CHRM3: variants seen among roughly 807,000 people sequenced by gnomAD.
CHRM3 encodes muscarinic acetylcholine receptor M3.
A neutral mutation model predicts 41.8 loss-of-function variants in CHRM3; 11 were observed. The observed-to-expected ratio is 0.26, with a 90% CI of 0.17 to 0.44. The LOEUF is 0.44. Ranked by LOEUF, CHRM3 falls within the 20% of genes least tolerant of loss-of-function variation. CHRM3 has a pLI of 1.00. For synonymous variants in CHRM3, 297 were observed against 301.4 expected (o/e 0.99, Z 0.15); for missense variants, 571 against 745.4 (o/e 0.77, Z 2.72).
At chr1:239,881,925 G>C (rs1677671639) in intron 6 of CHRM3, among the ~76,000 whole-genome samples, 1 of 151,952 alleles carries the variant, frequency 6.6e-6, no homozygotes, top group Non-Finnish European at 1.5e-5. Flanking sequence ...TTTTTTTTGA[G>C]ATGGAGTCTC....
chr1:239,607,852 T>C (rs769267038), intron 3 of CHRM3, among the ~76,000 whole-genome samples: 3 of 152,184 alleles, frequency 2.0e-5, no homozygotes, highest in Non-Finnish European at 4.4e-5. Context: ...TTGCTTCTAT[T>C]CACTTAATAT....
chr1:239,424,058 A>C, intron 1 of CHRM3, among the ~76,000 whole-genome samples: 1 of 150,926 alleles, frequency 6.6e-6, no homozygotes, highest in African/African-American at 2.4e-5. Flanking sequence ...CTGTCTCAAA[A>C]AAAAAAAAAA....
At chr1:239,576,233 T>C (rs752051179) in intron 3 of CHRM3, among the ~76,000 whole-genome samples, 3 of 151,558 alleles carry the variant, frequency 2.0e-5, no homozygotes, top group Admixed American at 6.6e-5. Flanking sequence ...CTAGAACCAA[T>C]AAAAGCTGTA....
intron 3 of CHRM3, among the ~76,000 whole-genome samples, chr1:239,569,091 T>A (rs1661609807): frequency 6.6e-6 from 1 of 152,198 alleles, no homozygotes; most frequent in South Asian, 2.1e-4. Flanking sequence ...ACTTTTACAA[T>A]CACATTATCC....
chr1:239,742,485 C>T (rs1664946770), intron 5 of CHRM3, among the ~76,000 whole-genome samples: 1 of 152,056 alleles, frequency 6.6e-6, no homozygotes. Context: ...GCCAATCCAG[C>T]AAAACAGTTG....
intron 5 of CHRM3, among the ~76,000 whole-genome samples, chr1:239,688,634 A>AAT (rs1234547417): frequency 7.5e-6 from 1 of 133,916 alleles, no homozygotes; most frequent in South Asian, 2.2e-4. Flanking sequence ...TATAATACAT[A>AAT]ATATATATAA....
chr1:239,699,677 A>T (rs764016504), intron 5 of CHRM3, among the ~76,000 whole-genome samples: 1 of 152,308 alleles, frequency 6.6e-6, no homozygotes, highest in South Asian at 2.1e-4. Context: ...ATGTCTTCAT[A>T]CATAAAGTAT....
intron 2 of CHRM3, among the ~76,000 whole-genome samples, chr1:239,503,781 T>C (rs1019780957): frequency 6.6e-6 from 1 of 152,148 alleles, no homozygotes; most frequent in African/African-American, 2.4e-5. Context: ...AGCCAACTGA[T>C]CTTTGACAAA....
intron 6 of CHRM3, among the ~76,000 whole-genome samples, chr1:239,849,364 A>C (rs1674519015): frequency 6.6e-6 from 1 of 152,234 alleles, no homozygotes; most frequent in Admixed American, 6.5e-5. Flanking sequence ...TTTCATCTAC[A>C]GACGTTTCCC....
At chr1:239,885,352 G>T (rs10802811) in intron 6 of CHRM3, among the ~76,000 whole-genome samples, 10 of 152,086 alleles carry the variant, frequency 6.6e-5, no homozygotes, top group African/African-American at 2.4e-4. Context: ...TCCGGAGTAC[G>T]GTCCAAAAAT....
chr1:239,400,846 C>T (rs1289149766), intron 1 of CHRM3, among the ~76,000 whole-genome samples: 1 of 152,042 alleles, frequency 6.6e-6, no homozygotes, highest in African/African-American at 2.4e-5. Context: ...CAGTCAACAA[C>T]CCTCTTTAAA....
At chr1:239,413,548 A>G (rs181260418) in intron 1 of CHRM3, among the ~76,000 whole-genome samples, 57 of 152,258 alleles carry the variant, frequency 3.7e-4, no homozygotes, top group Admixed American at 1.6e-3. Context: ...TCAGCCTCCT[A>G]AATTGCTGGG....
At chr1:239,481,947 A>G (rs1025131992) in intron 1 of CHRM3, among the ~76,000 whole-genome samples, 1 of 152,228 alleles carries the variant, frequency 6.6e-6, no homozygotes, top group Non-Finnish European at 1.5e-5. Flanking sequence ...CAAACATAAC[A>G]TAGCTTCATA....
chr1:239,679,830 T>C (rs1658383418), intron 5 of CHRM3, among the ~76,000 whole-genome samples: 1 of 152,114 alleles, frequency 6.6e-6, no homozygotes, highest in Non-Finnish European at 1.5e-5. Context: ...GTCTTCTCTT[T>C]CTCTGTAAAT....
At chr1:239,676,938 T>C (rs1658061087) in intron 4 of CHRM3, among the ~76,000 whole-genome samples, 1 of 152,242 alleles carries the variant, frequency 6.6e-6, no homozygotes, top group Admixed American at 6.5e-5. Flanking sequence ...CCTCCTGTTG[T>C]TCTGAGCCCC....
chr1:239,431,263 A>C (rs1043545888), intron 1 of CHRM3, among the ~76,000 whole-genome samples: 3 of 152,158 alleles, frequency 2.0e-5, no homozygotes, highest in African/African-American at 7.2e-5. Context: ...TATGTGACTC[A>C]TGTTAACTAT....
At chr1:239,768,839 A>C (rs1667431540) in intron 5 of CHRM3, among the ~76,000 whole-genome samples, 1 of 151,132 alleles carries the variant, frequency 6.6e-6, no homozygotes, top group African/African-American at 2.4e-5. Flanking sequence ...ATCTCAGCTC[A>C]CTGCAACCTC....
chr1:239,431,836 G>T (rs7536303), intron 1 of CHRM3, among the ~76,000 whole-genome samples: 10 of 151,862 alleles, frequency 6.6e-5, no homozygotes, highest in Admixed American at 5.2e-4. Context: ...TTATTTCCAC[G>T]TTACTGTATC....
chr1:239,653,577 T>C (rs1451063183), intron 4 of CHRM3, among the ~76,000 whole-genome samples: 1 of 152,154 alleles, frequency 6.6e-6, no homozygotes, highest in Non-Finnish European at 1.5e-5. Flanking sequence ...CCTGTGCATG[T>C]AGATACCAGA....
Sources: gnomAD v4.1 joint callset for allele counts (sites outside exome capture counted in the v4.1 genomes callset) on GRCh38, gnomAD v4.1.1 for gene constraint, MANE v1.5 for transcripts, NCBI Gene and HGNC (gene_info 2026-07-23, HGNC 2026-07-21) for gene names.